Variants in UBR4 observed in about 807,000 individuals in gnomAD.
UBR4 encodes E3 ubiquitin-protein ligase UBR4.
A neutral mutation model predicts 575.6 loss-of-function variants in UBR4; 124 were observed. That is an observed-to-expected ratio of 0.22 (90% confidence interval 0.19 to 0.25). UBR4 has a LOEUF of 0.25. Among genes scored for constraint, UBR4 ranks in the 10% least tolerant of loss-of-function variants. The probability of loss-of-function intolerance (pLI) is 1.00; values close to 1 mark genes in which losing one functional copy is unlikely to be tolerated. For missense variants in UBR4, 4,818 were observed against 6,478.8 expected (o/e 0.74, Z 8.80); for synonymous variants, 2,455 against 2,473.7 (o/e 0.99, Z 0.22).
At chr1:19,158,986 A>G (rs1016749969) in intron 39 of UBR4, among the ~76,000 whole-genome samples, 2 of 152,042 alleles carry the variant, frequency 1.3e-5, no homozygotes, top group African/African-American at 4.8e-5. Context: ...TACTAAAAAT[A>G]CAAAAATTAG....
In UBR4 at chr1:19,099,603, C is replaced by T; in HGVS notation, c.13296G>A (p.Thr4432=). The T allele has an allele frequency of 2.5e-6, 4 of 1,613,812 alleles. No individual in the cohort carries two copies. The highest frequency in any genetic ancestry group is 3.4e-6 in the Non-Finnish European group (4 of 1,179,822). The part of the protein sequence containing the change: ...AEVYKKVWCT[T]NEGEPMRIVY... ...CGAGAAAGCAGGCACATACCTCATT[C>T]GTGGTACACCAGACTTTCTTGTAAA... The change falls in exon 90 of 106, where the codon ACG becomes ACA. Residue 4432 remains threonine (T), a synonymous_variant. Coordinates refer to ENST00000375254, the MANE Select transcript of UBR4 (RefSeq NM_020765.3).
intron 74 of UBR4, 50 bp downstream of exon 74, chr1:19,115,348 A>T: frequency 6.3e-7 from 1 of 1,589,878 alleles, no homozygotes; most frequent in Non-Finnish European, 8.6e-7. Context: ...CTACAGAAAA[A>T]TAACAAGGAA....
chr1:19,096,779 C>T (rs1265451523), intron 91 of UBR4, 129 bp from the exon 92 acceptor site: 27 of 1,362,278 alleles, frequency 2.0e-5, no homozygotes, highest in South Asian at 5.8e-5. Flanking sequence ...AATAAAGACA[C>T]GGCCAATAAA....
At position 19,154,934 on chromosome 1, in the gene UBR4, G is replaced by A. The variant is rs199558908; in HGVS notation, c.6442C>T (p.Pro2148Ser). The A allele has an allele frequency of 1.9e-4, 299 of 1,614,034 alleles. No homozygotes were observed. The highest frequency in any genetic ancestry group is 2.3e-4 in the Non-Finnish European group (269 of 1,180,020). ...RTTLEVLQLF[P>S]INIKSSNGGS... ...CATTCCCACCTTTTGATGTTGATGGGGAAGAGTTGCAACACCTCCAGGGTT... is the reference window on the plus strand; with the variant it reads ...CATTCCCACCTTTTGATGTTGATGGAGAAGAGTTGCAACACCTCCAGGGTT... The change falls in exon 44 of 106, where the codon CCC becomes TCC. Residue 2148 changes from proline to serine, a missense_variant. Coordinates refer to ENST00000375254, the MANE Select transcript of UBR4 (RefSeq NM_020765.3).
At chr1:19,085,314 G>A (rs2076908549) in intron 101 of UBR4, among the ~76,000 whole-genome samples, 3 of 152,200 alleles carry the variant, frequency 2.0e-5, no homozygotes, top group Admixed American at 2.0e-4. Flanking sequence ...CTGAGGTCAG[G>A]AGTTCCAGAC....
chr1:19,193,997 TAG>T (rs760947117), intron 8 of UBR4, among the ~76,000 whole-genome samples: 1 of 152,090 alleles, frequency 6.6e-6, no homozygotes, highest in African/African-American at 2.4e-5. Flanking sequence ...AAGGTAAAAC[TAG>T]AGAGACAGTG....
At position 19,117,744 on chromosome 1, in the gene UBR4, G is replaced by A; in HGVS notation, c.10629+79C>T. On this transcript the variant is annotated intron_variant, in intron 72 of 105. Coordinates refer to ENST00000375254, the MANE Select transcript of UBR4 (RefSeq NM_020765.3). This position sits in a 1 kb window ranked among gnomAD's most constrained non-coding sequence, Gnocchi z 4.0. ...ACCATTAGGAGAGGAACATCTATGTGATAATGATCCATCTCTGGAAACAAG... is the reference window on the plus strand; with the variant it reads ...ACCATTAGGAGAGGAACATCTATGTAATAATGATCCATCTCTGGAAACAAG... 1 of 1,330,472 alleles carries A rather than the reference G, an allele frequency of 7.5e-7. No homozygotes were observed. The highest frequency in any genetic ancestry group is 1.1e-6 in the Non-Finnish European group (1 of 928,088). 82.4% of individuals were successfully genotyped at this position (1,330,472 alleles called of 1,614,324 possible).
Position 19,190,292 on chromosome 1 carries a change from C to CAAAAAAAAAA in UBR4, c.1394+1886_1394+1895dup, listed in dbSNP as rs1184892281. On this transcript the variant is annotated intron_variant, in intron 11 of 105. Transcript: ENST00000375254. ...TGGGCAACAGAGCGAGACTCTGCCT[C>CAAAAAAAAAA]AAAAAAAAAAAAAAAAAAAAATATA... Among the ~76,000 whole-genome samples, 9 of 40,364 alleles carry CAAAAAAAAAA rather than the reference C, an allele frequency of 2.2e-4. No individual in the cohort carries two copies. In the East Asian group the frequency reaches 3.0e-3, roughly 13 times the overall value. The allele number at this position is 40,364 out of a possible 152,430, so 26.5% of individuals were successfully genotyped here.
intron 64 of UBR4, among the ~76,000 whole-genome samples, chr1:19,126,229 TTCC>T (rs1331576146): frequency 6.6e-6 from 1 of 152,196 alleles, no homozygotes; most frequent in Admixed American, 6.5e-5. Flanking sequence ...TCTCATTCAA[TTCC>T]TCCAATTTAC....
chr1:19,169,995 A>G lies in UBR4; in HGVS notation c.3644-463T>C, dbSNP rs574064636. 8.0e-4 allele frequency among the ~76,000 whole-genome samples: 122 copies of G among 152,362 alleles called. 1 individual carries two copies. Among genetic ancestry groups the G allele is most frequent in the African/African-American group, 2.6e-3 (109 of 41,588 alleles). ...CAAAGTGAGACTATCTGAATGTTAAATGAATATTTAAAGCTTGAAATTAAG... is the reference window on the plus strand; with the variant it reads ...CAAAGTGAGACTATCTGAATGTTAAGTGAATATTTAAAGCTTGAAATTAAG... On this transcript the variant is annotated intron_variant, in intron 26 of 105. Coordinates refer to ENST00000375254, the MANE Select transcript of UBR4 (RefSeq NM_020765.3).
chr1:19,079,489 G>A (rs1242346293), intron 103 of UBR4: 1 of 152,228 alleles, frequency 6.6e-6, no homozygotes, highest in Non-Finnish European at 1.5e-5. Context: ...GCCTGAGAAT[G>A]TCCCAGGCTT....
Position 19,128,248 on chromosome 1 carries a change from A to AG in UBR4, c.9073dup (p.Leu3025ProfsTer7). 1 of 1,614,044 alleles carries AG rather than the reference A, an allele frequency of 6.2e-7. No homozygotes were observed. Among genetic ancestry groups the AG allele is most frequent in the Middle Eastern group, 1.7e-4 (1 of 6,060 alleles). ...ACCCAACTCAGCAATAAGCTGGGAG[A>AG]GCAGGTTGTCTAGGGCCCCCTTGTC... is the stretch of plus-strand genomic sequence containing the variant. On this transcript the variant is annotated frameshift_variant, in exon 62 of 106. Transcript: ENST00000375254. LOFTEE classifies it high-confidence loss of function.
chr1:19,193,346 T>C, intron 9 of UBR4, 87 bp downstream of exon 9: 8 of 1,544,510 alleles, frequency 5.2e-6, no homozygotes, highest in Non-Finnish European at 6.1e-6. Flanking sequence ...CTCTAAGTTC[T>C]TTCTTCTATC....
At chr1:19,122,131 G>A in intron 66 of UBR4, 119 bp from the exon 67 acceptor site, 1 of 957,002 alleles carries the variant, frequency 1.0e-6, no homozygotes, top group Non-Finnish European at 1.7e-6. Context: ...ATGATCTTCT[G>A]AGCAAGGCAG....
chr1:19,168,294 A>G (rs2088859147), intron 27 of UBR4, 110 bp from the exon 28 acceptor site: 2 of 1,067,706 alleles, frequency 1.9e-6, no homozygotes. Flanking sequence ...GTTTGTAAAC[A>G]ATAGCCTCTA....
chr1:19,104,621 C>A lies in UBR4; in HGVS notation c.12691G>T (p.Asp4231Tyr). Residue 4231 changes from aspartate to tyrosine, a missense_variant, in exon 86 of 106, where the codon GAT becomes TAT. Transcript: ENST00000375254. ...TTAAGGGCATAACCCTGCTGCAGAT[C>A]GGTACTCAGGGTAGCCTCCTCCAGG... ...LALEEATLST[D>Y]LQQGYALKSL... is the part of the protein sequence containing the mutation. 1 of 1,614,134 alleles carries A rather than the reference C, an allele frequency of 6.2e-7. No individual in the cohort carries two copies. The highest frequency in any genetic ancestry group is 8.5e-7 in the Non-Finnish European group (1 of 1,180,014).
In UBR4 at chr1:19,129,081, G is replaced by T. The variant is rs773196261; in HGVS notation, c.8907-7C>A. 1.4e-5 allele frequency: 23 copies of T among 1,613,220 alleles called. No individual in the cohort carries two copies. The South Asian group carries it at 2.3e-4, about 16-fold the overall frequency. ...TAGACGGACCATGTGCAGCCTAAAAGGGTGGGGAAAAGATAGAAAATATGA... is the reference window on the plus strand; with the variant it reads ...TAGACGGACCATGTGCAGCCTAAAATGGTGGGGAAAAGATAGAAAATATGA... On this transcript the variant is annotated splice_polypyrimidine_tract_variant and splice_region_variant and intron_variant, in intron 60 of 105. Transcript: ENST00000375254.
chr1:19,112,226 G>C (rs1405217714), intron 78 of UBR4: 3 of 341,910 alleles, frequency 8.8e-6, no homozygotes, highest in Non-Finnish European at 1.6e-5. Flanking sequence ...AGTCTTTCTC[G>C]AGTTCAAGTG....
At chr1:19,103,972 A>T in intron 87 of UBR4, 112 bp downstream of exon 87, 2 of 1,242,876 alleles carry the variant, frequency 1.6e-6, no homozygotes, top group Non-Finnish European at 1.1e-6. Context: ...ATGCAGGGAG[A>T]TGTTTGCCAC....
Sources: allele counts gnomAD v4.1 joint callset (sites outside exome capture counted in the v4.1 genomes callset), GRCh38; gene constraint gnomAD v4.1.1; non-coding constraint Gnocchi (gnomAD v3.1); transcripts MANE v1.5; gene names NCBI Gene and HGNC (gene_info 2026-07-23, HGNC 2026-07-21).